ADGRL2: variants seen among roughly 807,000 people sequenced by gnomAD.
ADGRL2 encodes adhesion G protein-coupled receptor L2.
A neutral mutation model predicts 157.4 loss-of-function variants in ADGRL2; 44 were observed. The observed-to-expected ratio is 0.28, with a 90% CI of 0.22 to 0.36. ADGRL2 has a LOEUF of 0.36. Among genes scored for constraint, ADGRL2 ranks in the 10% least tolerant of loss-of-function variants. The pLI is 1.00. For synonymous variants in ADGRL2, 585 were observed against 624.7 expected, an observed-to-expected ratio of 0.94 and a Z score of 0.95; for missense variants, 1,510 against 1,768.9, an observed-to-expected ratio of 0.85 and a Z score of 2.63.
chr1:81,704,200 A>AATACCT (rs2083661227), intron 1 of ADGRL2, among the ~76,000 whole-genome samples: 5 of 152,242 alleles, frequency 3.3e-5, no homozygotes, highest in Admixed American at 2.0e-4. Flanking sequence ...CCTAAAAACC[A>AATACCT]GTTAAATCTA....
intron 3 of ADGRL2, among the ~76,000 whole-genome samples, chr1:81,624,782 G>A (rs1432908110): frequency 6.6e-6 from 1 of 152,160 alleles, no homozygotes; most frequent in Non-Finnish European, 1.5e-5. Context: ...TAAGGAAACT[G>A]ACTGTGAAGT....
At chr1:81,957,111 G>A (rs1489157825) in intron 11 of ADGRL2, among the ~76,000 whole-genome samples, 1 of 150,814 alleles carries the variant, frequency 6.6e-6, no homozygotes, top group African/African-American at 2.4e-5. Flanking sequence ...TGAGGTTTGG[G>A]AATGAAAAAT....
intron 3 of ADGRL2, among the ~76,000 whole-genome samples, chr1:81,655,817 AT>A (rs2082522059): frequency 6.6e-6 from 1 of 151,298 alleles, no homozygotes; most frequent in Non-Finnish European, 1.5e-5. Flanking sequence ...TATGGCTCTT[AT>A]GTGTGTGTGT....
chr1:81,865,877 AG>A (rs997584923), intron 2 of ADGRL2, among the ~76,000 whole-genome samples: 2 of 152,242 alleles, frequency 1.3e-5, no homozygotes, highest in African/African-American at 4.8e-5. Context: ...AAGTGACAGC[AG>A]TTTTGAAGAA....
intron 3 of ADGRL2, among the ~76,000 whole-genome samples, chr1:81,679,502 T>G (rs2083064914): frequency 6.6e-6 from 1 of 152,024 alleles, no homozygotes; most frequent in African/African-American, 2.4e-5. Context: ...ATCTTTAAAA[T>G]GGAGCAATAA....
intron 1 of ADGRL2, among the ~76,000 whole-genome samples, chr1:81,406,071 G>C (rs1292026687): frequency 6.6e-6 from 1 of 152,142 alleles, no homozygotes; most frequent in African/African-American, 2.4e-5. Context: ...ATACATTAAA[G>C]TATTTTGAAT....
intron 1 of ADGRL2, among the ~76,000 whole-genome samples, chr1:81,382,550 A>G (rs1486094104): frequency 6.6e-6 from 1 of 152,144 alleles, no homozygotes; most frequent in African/African-American, 2.4e-5. Flanking sequence ...CAACTTTAAC[A>G]TTTAATTTAT....
chr1:81,843,476 A>C (rs1027841593), intron 2 of ADGRL2, among the ~76,000 whole-genome samples: 3 of 152,222 alleles, frequency 2.0e-5, no homozygotes, highest in African/African-American at 7.2e-5. Context: ...TATTGCTCTT[A>C]GGACACTTTA....
chr1:81,946,533 A>T (rs1048796158), intron 6 of ADGRL2, among the ~76,000 whole-genome samples: 1 of 151,926 alleles, frequency 6.6e-6, no homozygotes, highest in African/African-American at 2.4e-5. Context: ...ATATTTACTT[A>T]ATCTGTCTGC....
intron 2 of ADGRL2, among the ~76,000 whole-genome samples, chr1:81,881,880 G>A (rs898662674): frequency 6.6e-6 from 1 of 152,086 alleles, no homozygotes; most frequent in Non-Finnish European, 1.5e-5. Context: ...CACCTAAGTG[G>A]TGCTCAGTGA....
chr1:81,695,100 G>T (rs1167217903), upstream of ADGRL2, among the ~76,000 whole-genome samples: 1 of 151,924 alleles, frequency 6.6e-6, no homozygotes, highest in Non-Finnish European at 1.5e-5. Context: ...AAATTCAGAT[G>T]AAACTGATTA....
At chr1:81,325,079 T>G (rs548557899) in intron 1 of ADGRL2, among the ~76,000 whole-genome samples, 1 of 152,106 alleles carries the variant, frequency 6.6e-6, no homozygotes, top group East Asian at 1.9e-4. Context: ...AGAAACCAGA[T>G]AGACTATTTT....
At chr1:81,715,728 A>T (rs1160064944) in intron 1 of ADGRL2, among the ~76,000 whole-genome samples, 1 of 152,142 alleles carries the variant, frequency 6.6e-6, no homozygotes, top group Non-Finnish European at 1.5e-5. Flanking sequence ...CTGAGGGGGA[A>T]ATATCTCTTA....
At chr1:81,517,662 A>G (rs1051670512) in intron 2 of ADGRL2, among the ~76,000 whole-genome samples, 4 of 152,140 alleles carry the variant, frequency 2.6e-5, no homozygotes, top group Non-Finnish European at 4.4e-5. Flanking sequence ...CATCCAGAGC[A>G]GACTGTGAAT....
At chr1:81,410,710 G>T (rs1366638312) in intron 1 of ADGRL2, among the ~76,000 whole-genome samples, 1 of 152,190 alleles carries the variant, frequency 6.6e-6, no homozygotes, top group Non-Finnish European at 1.5e-5. Flanking sequence ...ATGATATGTT[G>T]AATTTATTTA....
At chr1:81,720,179 C>CTTTTTTT (rs370916970) in intron 1 of ADGRL2, among the ~76,000 whole-genome samples, 18 of 138,890 alleles carry the variant, frequency 1.3e-4, no homozygotes, top group Non-Finnish European at 2.0e-4. Flanking sequence ...TCCTTTTTTT[C>CTTTTTTT]TTTTCTTTTT....
At chr1:81,637,806 C>T (rs993397048) in intron 3 of ADGRL2, among the ~76,000 whole-genome samples, 1 of 152,046 alleles carries the variant, frequency 6.6e-6, no homozygotes, top group Non-Finnish European at 1.5e-5. Context: ...ATTAATCATA[C>T]ACATTTCTGA....
chr1:81,414,659 A>C (rs1377320752), intron 1 of ADGRL2, among the ~76,000 whole-genome samples: 1 of 152,094 alleles, frequency 6.6e-6, no homozygotes. Flanking sequence ...TCTTTGGAGG[A>C]TATTACTTTG....
intron 1 of ADGRL2, among the ~76,000 whole-genome samples, chr1:81,369,186 G>T (rs1340455493): frequency 2.0e-5 from 3 of 151,984 alleles, no homozygotes; most frequent in African/African-American, 7.2e-5. Flanking sequence ...GACACACACA[G>T]GCAGAGAGAG....
Sources: allele counts gnomAD v4.1 joint callset (sites outside exome capture counted in the v4.1 genomes callset), GRCh38; gene constraint gnomAD v4.1.1; transcripts MANE v1.5; gene names NCBI Gene and HGNC (gene_info 2026-07-23, HGNC 2026-07-21).